DACT2: variants seen among roughly 807,000 people sequenced by gnomAD.
The protein encoded by DACT2 is dishevelled binding antagonist of beta catenin 2.
Under a neutral mutation model 22.2 loss-of-function variants are expected in DACT2, and 20 were observed. The ratio of observed to expected loss-of-function variants is 0.90; its 90% CI spans 0.63 to 1.31. DACT2 has a LOEUF of 1.31. DACT2 is among the 50% of genes most tolerant of loss of function. The pLI is 0.00. For missense variants in DACT2, 1,048 were observed against 1,061.4 expected, an observed-to-expected ratio of 0.99 and a Z score of 0.18; for synonymous variants, 463 against 479.8, an observed-to-expected ratio of 0.96 and a Z score of 0.46.
rs1003530912 is a variant in DACT2 at position 168,308,574 on chromosome 6, T to A, written c.1183A>T (p.Ser395Cys). The A allele has an allele frequency of 3.2e-5, 48 of 1,517,652 alleles. No homozygotes were observed. Among genetic ancestry groups the A allele is most frequent in the Non-Finnish European group, 2.6e-6 (3 of 1,139,342 alleles). The allele number at this position is 1,517,652 out of a possible 1,614,324, so 94.0% of individuals were successfully genotyped here. The change falls in exon 4 of 4, where the codon AGC becomes TGC. Residue 395 changes from serine (S) to cysteine (C), a missense_variant. By Grantham distance (112) the Ser-to-Cys change is moderately radical. Transcript: ENST00000366795. Reference sequence around the variant, plus strand: ...GGCCCGCCCCTGCCGGCACCCCTGCTCTGAGCTGGCCCTCCCTCGTCCTCC... The same window carrying A: ...GGCCCGCCCCTGCCGGCACCCCTGCACTGAGCTGGCCCTCCCTCGTCCTCC... ...GREDEGGPAQ[S>C]RGAGRGGPQQ...
chr6:168,301,176 G>A (rs1217042006), intron 3 of DACT2, among the ~76,000 whole-genome samples: 1 of 152,178 alleles, frequency 6.6e-6, no homozygotes, highest in African/African-American at 2.4e-5. Context: ...CTGGAGTTCT[G>A]CATCCTCCTG....
Position 168,319,521 on chromosome 6 carries a change from G to T in DACT2, c.113C>A (p.Thr38Lys), listed in dbSNP as rs1437213801. The T allele has an allele frequency of 1.5e-6, 2 of 1,355,682 alleles. No homozygotes were observed. The highest frequency in any genetic ancestry group is 1.9e-6 in the Non-Finnish European group (2 of 1,045,810). 84.0% of individuals were successfully genotyped at this position (1,355,682 alleles called of 1,614,324 possible). ...GGCGCCCCGTACCCGCTCCTGCTGC[G>T]TGGCTCGCAGCCCCTGCAGCTCCTG... ...GLQELQGLRA[T>K]QQERVRGALA... is the part of the protein sequence containing the mutation. Residue 38 changes from threonine (T) to lysine (K), a missense_variant, in exon 1 of 4, where the codon ACG becomes AAG. Coordinates refer to ENST00000366795, the MANE Select transcript of DACT2 (RefSeq NM_214462.5).
At chr6:168,309,623 A>G (rs974212101) in intron 3 of DACT2, among the ~76,000 whole-genome samples, 6 of 152,222 alleles carry the variant, frequency 3.9e-5, no homozygotes, top group African/African-American at 9.6e-5. Flanking sequence ...TGGAGCCCCA[A>G]GGGAGGCCAG....
At position 168,308,706 on chromosome 6, in the gene DACT2, C is replaced by A. The variant is rs774006853; in HGVS notation, c.1051G>T (p.Glu351Ter). Residue 351 changes from glutamate to a stop codon, truncating the protein, a stop_gained, in exon 4 of 4, where the codon GAG (glutamate) becomes TAG (stop). Coordinates refer to ENST00000366795, the MANE Select transcript of DACT2 (RefSeq NM_214462.5). LOFTEE classifies it low-confidence loss of function (END_TRUNC). ...WGRETPAKGS[E>*]GEQGPLRHAA... ...TGCCTTAGAGGTCCCTGTTCTCCCT[C>A]GCTACCCTTTGCTGGGGTCTCCCGG... 2 of 1,548,686 alleles carry A rather than the reference C, an allele frequency of 1.3e-6. No homozygotes were observed. Among genetic ancestry groups the A allele is most frequent in the African/African-American group, 1.4e-5 (1 of 73,148 alleles).
chr6:168,306,823 T>C (rs1405857396), downstream of DACT2: 1 of 937,898 alleles, frequency 1.1e-6, no homozygotes, highest in African/African-American at 1.8e-5. Flanking sequence ...CGCCCAAAGC[T>C]GGCACGTGCC....
intron 3 of DACT2, among the ~76,000 whole-genome samples, chr6:168,309,402 C>T (rs1437826816): frequency 5.3e-5 from 3 of 56,934 alleles, no homozygotes; most frequent in Non-Finnish European, 1.0e-4. Flanking sequence ...ATCTAGACAC[C>T]GCACAGGGCC....
At chr6:168,305,790 C>G (rs1026371693), downstream of DACT2, among the ~76,000 whole-genome samples, 1 of 152,072 alleles carries the variant, frequency 6.6e-6, no homozygotes, top group Non-Finnish European at 1.5e-5. Context: ...ACAATAACAC[C>G]CCCATCCATG....
At chr6:168,306,365 T>C (rs1370262944), downstream of DACT2, among the ~76,000 whole-genome samples, 1 of 152,200 alleles carries the variant, frequency 6.6e-6, no homozygotes, top group Non-Finnish European at 1.5e-5. Flanking sequence ...TCTTGAAAAT[T>C]TGAGGAAAAT....
chr6:168,314,217 G>A, intron 1 of DACT2, among the ~76,000 whole-genome samples: 1 of 152,348 alleles, frequency 6.6e-6, no homozygotes, highest in Admixed American at 6.5e-5. Context: ...CAGCAAGCGA[G>A]CCCTGGATGG....
At chr6:168,293,786 G>GT (rs1778951159) in exon 6 of DACT2, 1 of 680,886 alleles carries the variant, frequency 1.5e-6, no homozygotes, top group Non-Finnish European at 2.7e-6. Context: ...TTGGCGGGCA[G>GT]AGGGGGGCCG....
Position 168,319,560 on chromosome 6 carries a change from G to T in DACT2, c.74C>A (p.Ala25Glu), listed in dbSNP as rs1308623646. Reference protein sequence around the residue: ...RRRLGARLRAAFAGLQELQGL... With the variant: ...RRRLGARLRAEFAGLQELQGL... ...CTGCAGCTCCTGCAGCCCCGCGAACGCCGCGCGCAACCTCGCGCCCAACCT... is the reference window on the plus strand; with the variant it reads ...CTGCAGCTCCTGCAGCCCCGCGAACTCCGCGCGCAACCTCGCGCCCAACCT... Residue 25 changes from alanine (A) to glutamate (E), a missense_variant, in exon 1 of 4, where the codon GCG becomes GAG. Ala to Glu is a moderately radical substitution (Grantham distance 107). Coordinates refer to ENST00000366795, the MANE Select transcript of DACT2 (RefSeq NM_214462.5). 3.6e-6 allele frequency: 5 copies of T among 1,377,092 alleles called. No individual in the cohort carries two copies. Among genetic ancestry groups the T allele is most frequent in the Non-Finnish European group, 4.7e-6 (5 of 1,057,340 alleles). 85.3% of individuals were successfully genotyped at this position (1,377,092 alleles called of 1,614,324 possible).
intron 1 of DACT2, 82 bp from the exon 2 acceptor site, chr6:168,311,366 T>A: frequency 7.0e-7 from 1 of 1,425,002 alleles, no homozygotes; most frequent in Non-Finnish European, 9.3e-7. Context: ...AAACATGCAT[T>A]GTGAATGCAA....
In DACT2 at chr6:168,308,642, C is replaced by T. The variant is rs1217837348; in HGVS notation, c.1115G>A (p.Ser372Asn). The change falls in exon 4 of 4, where the codon AGT (serine) becomes AAT (asparagine). Residue 372 changes from serine to asparagine, a missense_variant. By Grantham distance (46) the Ser-to-Asn change is conservative. Transcript: ENST00000366795. ...SPSPQRQGGW[S>N]TDGGGRLLVF... The stretch of plus-strand genomic sequence containing the variant: ...CAGCAGTCGCCCTCCACCGTCTGTA[C>T]TCCAGCCACCCTGCCTCTGTGGAGA... 11 of 1,544,352 alleles carry T rather than the reference C, an allele frequency of 7.1e-6. No homozygotes were observed. Among genetic ancestry groups the T allele is most frequent in the Non-Finnish European group, 9.6e-6 (11 of 1,146,948 alleles).
chr6:168,297,194 G>A (rs1447345109), intron 3 of DACT2, among the ~76,000 whole-genome samples: 2 of 152,202 alleles, frequency 1.3e-5, no homozygotes, highest in African/African-American at 4.8e-5. Context: ...TGGGAGTGTG[G>A]TCAGAAGAAC....
rs369564273 is a variant in DACT2 at position 168,309,084 on chromosome 6, C to A, written c.673G>T (p.Ala225Ser). 9.8e-4 allele frequency: 1,501 copies of A among 1,529,738 alleles called. 34 individuals are homozygous for A. The South Asian group carries it at 0.017, about 18-fold the overall frequency. The allele number at this position is 1,529,738 out of a possible 1,614,324, so 94.8% of individuals were successfully genotyped here. Reference protein sequence around the residue: ...RPVSTGDLDRALPADTGLQKA... With the variant: ...RPVSTGDLDRSLPADTGLQKA... ...TGGAGCCCCGTGTCCGCCGGCAGGG[C>A]TCTGTCAAGATCACCTGGGAGCGAG... Residue 225 changes from alanine to serine, a missense_variant, in exon 4 of 4, where the codon GCC becomes TCC. By Grantham distance (99) the Ala-to-Ser change is moderately conservative. Transcript: ENST00000366795.
chr6:168,319,554 GC>G lies in DACT2; in HGVS notation c.79del (p.Ala27ArgfsTer59). On this transcript the variant is annotated frameshift_variant, in exon 1 of 4. Coordinates refer to ENST00000366795, the MANE Select transcript of DACT2 (RefSeq NM_214462.5). LOFTEE classifies it high-confidence loss of function. ...RLGARLRAAF[A>X]GLQELQGLRA... ...CAGCCCCTGCAGCTCCTGCAGCCCC[GC>G]GAACGCCGCGCGCAACCTCGCGCCC... 16 of 1,376,470 alleles carry G rather than the reference GC, an allele frequency of 1.2e-5. No homozygotes were observed. Among genetic ancestry groups the G allele is most frequent in the Non-Finnish European group, 1.5e-5 (16 of 1,056,904 alleles). 85.3% of individuals were successfully genotyped at this position (1,376,470 alleles called of 1,614,324 possible). A position where few individuals can be genotyped will look rare whatever the true frequency, so the allele number is the denominator to read the frequency against.
chr6:168,297,421 C>A (rs766225972), intron 3 of DACT2, among the ~76,000 whole-genome samples: 1 of 152,068 alleles, frequency 6.6e-6, no homozygotes, highest in Non-Finnish European at 1.5e-5. Flanking sequence ...ATAGGAGAGG[C>A]ACAGCTTGAG....
Position 168,319,574 on chromosome 6 carries a change from C to T in DACT2, c.60G>A (p.Ala20=). The change falls in exon 1 of 4, where the codon GCG becomes GCA. Residue 20 remains alanine (A), a synonymous_variant. Transcript: ENST00000366795. The stretch of plus-strand genomic sequence containing the variant: ...GCCCCGCGAACGCCGCGCGCAACCT[C>T]GCGCCCAACCTACGGCGGTCCCAGC... ...SAGWDRRRLG[A]RLRAAFAGLQ... 1 of 1,376,176 alleles carries T rather than the reference C, an allele frequency of 7.3e-7. No homozygotes were observed. The highest frequency in any genetic ancestry group is 9.5e-7 in the Non-Finnish European group (1 of 1,057,416). 85.2% of individuals were successfully genotyped at this position (1,376,176 alleles called of 1,614,324 possible).
Position 168,319,710 on chromosome 6 carries a change from T to C in DACT2, c.-77A>G. Reference sequence around the variant, plus strand: ...CAGCGCGCGCGGATCCCGAGCTGTGTCGCGGGTCCTCCTGCGCCTCCTCTC... The same window carrying C: ...CAGCGCGCGCGGATCCCGAGCTGTGCCGCGGGTCCTCCTGCGCCTCCTCTC... On this transcript the variant is annotated 5_prime_UTR_variant, in exon 1 of 4. Coordinates refer to ENST00000366795, the MANE Select transcript of DACT2 (RefSeq NM_214462.5). 5 of 1,185,262 alleles carry C rather than the reference T, an allele frequency of 4.2e-6. No individual in the cohort carries two copies. The highest frequency in any genetic ancestry group is 5.2e-6 in the Non-Finnish European group (5 of 957,652). The allele number at this position is 1,185,262 out of a possible 1,614,324, so 73.4% of individuals were successfully genotyped here. A position where few individuals can be genotyped will look rare whatever the true frequency, so the allele number is the denominator to read the frequency against.
Sources: gnomAD v4.1 joint callset for allele counts (sites outside exome capture counted in the v4.1 genomes callset) on GRCh38, gnomAD v4.1.1 for gene constraint, MANE v1.5 for transcripts, NCBI Gene and HGNC (gene_info 2026-07-23, HGNC 2026-07-21) for gene names.